The following ATP8A2 variants were observed in gnomAD, a reference collection of about 807,000 sequenced individuals.
The protein encoded by ATP8A2 is phospholipid-transporting ATPase IB.
Under a neutral mutation model 165.6 loss-of-function variants are expected in ATP8A2, and 100 were observed. That is an observed-to-expected ratio of 0.60 (90% CI 0.51 to 0.71). The LOEUF (loss-of-function observed/expected upper bound fraction) is 0.71, where lower values mean the gene tolerates loss of function less well. Among genes scored for constraint, ATP8A2 ranks in the 30% least tolerant of loss-of-function variants. The pLI, the probability that ATP8A2 is intolerant of heterozygous loss-of-function variation, is 0.00. For synonymous variants in ATP8A2, 543 were observed against 548.8 expected (o/e 0.99, Z 0.15); for missense variants, 1,227 against 1,479.5 (o/e 0.83, Z 2.80).
At chr13:25,539,175 T>TC in intron 7 of ATP8A2, among the ~76,000 whole-genome samples, 1 of 151,922 alleles carries the variant, frequency 6.6e-6, no homozygotes, top group East Asian at 1.9e-4. Flanking sequence ...TAGCTCACTG[T>TC]AAGTTCAAAC....
At chr13:25,378,606 T>C (rs1186822572) in intron 1 of ATP8A2, among the ~76,000 whole-genome samples, 2 of 152,190 alleles carry the variant, frequency 1.3e-5, no homozygotes, top group Admixed American at 6.5e-5. Flanking sequence ...TATGAGTTTC[T>C]GCTTTCCAAG....
intron 1 of ATP8A2, among the ~76,000 whole-genome samples, chr13:25,379,518 A>G (rs772426664): frequency 2.6e-5 from 4 of 152,356 alleles, no homozygotes; most frequent in East Asian, 1.9e-4. Flanking sequence ...TTACTGCACC[A>G]TGGGATCAGG....
chr13:25,447,429 C>T (rs181895716), intron 1 of ATP8A2, among the ~76,000 whole-genome samples: 22 of 152,246 alleles, frequency 1.4e-4, no homozygotes, highest in Middle Eastern at 3.4e-3. Flanking sequence ...TTGACCCCCT[C>T]GTGGGACTTG....
intron 1 of ATP8A2, among the ~76,000 whole-genome samples, chr13:25,374,593 GTCC>G (rs576265930): frequency 5.3e-4 from 81 of 152,282 alleles, no homozygotes; most frequent in African/African-American, 1.8e-3. Context: ...GAGAAGCAGG[GTCC>G]TCCTGGCAGA....
rs543825813 is a variant in ATP8A2, at chr13:25,974,452, C to T, written c.3377+5773C>T. 4.6e-5 allele frequency among the ~76,000 whole-genome samples: 7 copies of T among 151,224 alleles called. No homozygotes were observed. The South Asian group carries it at 8.4e-4, about 18-fold the overall frequency. ...CATGGGAGTGGTGTGGACGAATGGC[C>T]GTAGTGAATGTTGGATGGGGGTGTG... On this transcript the variant is annotated intron_variant, in intron 35 of 36. Transcript: ENST00000381655.
chr13:25,431,712 A>G (rs1247959539), intron 1 of ATP8A2, among the ~76,000 whole-genome samples: 1 of 152,228 alleles, frequency 6.6e-6, no homozygotes, highest in East Asian at 1.9e-4. Flanking sequence ...CTCTTGATTA[A>G]AATATAAGCT....
intron 25 of ATP8A2, among the ~76,000 whole-genome samples, chr13:25,700,675 A>C (rs192382595): frequency 1.3e-5 from 2 of 152,280 alleles, no homozygotes; most frequent in African/African-American, 4.8e-5. Flanking sequence ...TTGATGTACA[A>C]GCTTCTGTTT....
At chr13:25,854,242 A>G (rs1455360834) in intron 30 of ATP8A2, among the ~76,000 whole-genome samples, 1 of 152,172 alleles carries the variant, frequency 6.6e-6, no homozygotes, top group Non-Finnish European at 1.5e-5. Context: ...TCCATCCCAA[A>G]CACCGCTGTT....
chr13:25,771,975 A>G (rs1446188107), intron 26 of ATP8A2, among the ~76,000 whole-genome samples: 2 of 152,172 alleles, frequency 1.3e-5, no homozygotes, highest in East Asian at 3.9e-4. Context: ...AAGTACCCTC[A>G]GGGTTATTAT....
At position 25,651,311 on chromosome 13, in the gene ATP8A2, C is replaced by T. The variant is rs1030404057; in HGVS notation, c.2212-47862C>T. On this transcript the variant is annotated intron_variant, in intron 24 of 36. Coordinates refer to ENST00000381655, the MANE Select transcript of ATP8A2 (RefSeq NM_016529.6). ...TACAAAAATTAGCTGGTCGTGGTGG[C>T]GTATGCTTGTAGTCCCAGCTACTCG... 2.0e-5 allele frequency among the ~76,000 whole-genome samples: 3 copies of T among 151,910 alleles called. No individual in the cohort carries two copies. In the South Asian group the frequency reaches 6.2e-4, roughly 32 times the overall value.
At chr13:25,664,539 C>T (rs2042111927) in intron 24 of ATP8A2, among the ~76,000 whole-genome samples, 1 of 152,088 alleles carries the variant, frequency 6.6e-6, no homozygotes. Context: ...CCAGTAAGAA[C>T]GCCCTAAGAA....
chr13:25,515,295 A>G (rs2037430523), intron 2 of ATP8A2, among the ~76,000 whole-genome samples: 1 of 152,186 alleles, frequency 6.6e-6, no homozygotes, highest in Non-Finnish European at 1.5e-5. Flanking sequence ...GTGTGAGCCA[A>G]TTCCTTATCA....
chr13:25,865,572 GAGA>G (rs1240877598), intron 33 of ATP8A2, among the ~76,000 whole-genome samples: 1 of 152,118 alleles, frequency 6.6e-6, no homozygotes, highest in South Asian at 2.1e-4. Context: ...TTTTCTCACG[GAGA>G]AGAATATGGG....
At chr13:25,798,435 G>A (rs563450204) in intron 27 of ATP8A2, among the ~76,000 whole-genome samples, 1 of 152,264 alleles carries the variant, frequency 6.6e-6, no homozygotes, top group South Asian at 2.1e-4. Context: ...GCACACAACT[G>A]TCTGTGGTCA....
chr13:25,751,492 C>T (rs1383779223), intron 25 of ATP8A2, among the ~76,000 whole-genome samples: 1 of 151,758 alleles, frequency 6.6e-6, no homozygotes, highest in Non-Finnish European at 1.5e-5. Flanking sequence ...ACTCTATCAC[C>T]CGAGCACAGT....
At chr13:25,386,692 C>G (rs1219987741) in intron 1 of ATP8A2, among the ~76,000 whole-genome samples, 2 of 151,864 alleles carry the variant, frequency 1.3e-5, no homozygotes, top group African/African-American at 4.8e-5. Context: ...TCTTGGTGTT[C>G]AACTACTTAT....
chr13:25,982,117 G>A (rs1956180704), intron 35 of ATP8A2, among the ~76,000 whole-genome samples: 2 of 152,278 alleles, frequency 1.3e-5, no homozygotes, highest in Admixed American at 6.5e-5. Flanking sequence ...GTTTCTCAAA[G>A]CATTGATCTG....
chr13:25,904,332 G>A (rs1384926922), intron 33 of ATP8A2, among the ~76,000 whole-genome samples: 4 of 152,266 alleles, frequency 2.6e-5, no homozygotes, highest in East Asian at 1.9e-4. Flanking sequence ...CAGGCTGAGC[G>A]CCATTGCTGC....
intron 25 of ATP8A2, among the ~76,000 whole-genome samples, chr13:25,710,145 G>T (rs994167034): frequency 6.6e-6 from 1 of 151,970 alleles, no homozygotes; most frequent in Non-Finnish European, 1.5e-5. Flanking sequence ...GTATGGATAC[G>T]TACTAATTGT....
Sources: allele counts gnomAD v4.1 joint callset (sites outside exome capture counted in the v4.1 genomes callset), GRCh38; gene constraint gnomAD v4.1.1; transcripts MANE v1.5; gene names NCBI Gene and HGNC (gene_info 2026-07-23, HGNC 2026-07-21).